The following FHIT variants were observed in gnomAD, a reference collection of about 807,000 sequenced individuals.
FHIT encodes the protein fragile histidine triad diadenosine triphosphatase.
A neutral mutation model predicts 17.9 loss-of-function variants in FHIT; 19 were observed. The ratio of observed to expected loss-of-function variants is 1.06; its 90% CI spans 0.74 to 1.56. The LOEUF (loss-of-function observed/expected upper bound fraction) is 1.56. Ranked by LOEUF, FHIT falls within the 40% of genes most tolerant of loss-of-function variation. The pLI is 0.00. For missense variants in FHIT, 248 were observed against 189.2 expected, an observed-to-expected ratio of 1.31 and a Z score of -1.82; for synonymous variants, 81 against 69.7, an observed-to-expected ratio of 1.16 and a Z score of -0.81.
At chr3:59,760,500 T>A (rs61281879) in intron 8 of FHIT, among the ~76,000 whole-genome samples, 13,407 of 151,366 alleles carry the variant, frequency 0.089, 718 homozygotes, top group East Asian at 0.23. Context: ...ATGTACCCTA[T>A]ATAAACCTCC....
chr3:59,887,274 A>G (rs1242740138), intron 8 of FHIT, among the ~76,000 whole-genome samples: 2 of 152,194 alleles, frequency 1.3e-5, no homozygotes, highest in African/African-American at 4.8e-5. Context: ...AATCTTTCCC[A>G]TGGCCCATCT....
intron 5 of FHIT, among the ~76,000 whole-genome samples, chr3:60,375,362 A>G (rs1050220758): frequency 1.3e-5 from 2 of 151,298 alleles, no homozygotes; most frequent in South Asian, 4.2e-4. Context: ...TGAGTTCAGG[A>G]GTTCGAGACT....
chr3:61,210,919 G>C (rs1247566678), intron 1 of FHIT, among the ~76,000 whole-genome samples: 1 of 151,904 alleles, frequency 6.6e-6, no homozygotes, highest in African/African-American at 2.4e-5. Context: ...CTGTAGACTG[G>C]AACTGTTCCT....
chr3:60,535,975 C>T (rs1489156355), intron 5 of FHIT: 1 of 152,036 alleles, frequency 6.6e-6, no homozygotes, highest in Non-Finnish European at 1.5e-5. Context: ...CATTTCAAAG[C>T]AAAATCATGT....
intron 3 of FHIT, among the ~76,000 whole-genome samples, chr3:60,968,002 A>G (rs1304445765): frequency 6.6e-6 from 1 of 151,798 alleles, no homozygotes; most frequent in African/African-American, 2.4e-5. Flanking sequence ...CTGATCAACT[A>G]AAAAAAAATT....
chr3:60,901,817 A>T (rs1553763239), intron 3 of FHIT, among the ~76,000 whole-genome samples: 1 of 152,146 alleles, frequency 6.6e-6, no homozygotes. Flanking sequence ...GCATCTCAAC[A>T]ATATGTGTGG....
intron 3 of FHIT, among the ~76,000 whole-genome samples, chr3:60,855,319 G>T (rs943025752): frequency 2.0e-5 from 3 of 152,078 alleles, no homozygotes; most frequent in Non-Finnish European, 4.4e-5. Context: ...ATACACTGGG[G>T]GGACTCATGA....
intron 4 of FHIT, among the ~76,000 whole-genome samples, chr3:60,701,771 T>A (rs2041253106): frequency 6.6e-6 from 1 of 152,188 alleles, no homozygotes; most frequent in African/African-American, 2.4e-5. Flanking sequence ...GTAGCTAGTG[T>A]GTTAGTCCTA....
intron 8 of FHIT, among the ~76,000 whole-genome samples, chr3:59,773,938 CATT>C (rs1186705975): frequency 6.6e-6 from 1 of 152,084 alleles, no homozygotes; most frequent in African/African-American, 2.4e-5. Context: ...TAAAATATCT[CATT>C]AATAATTATT....
chr3:60,725,619 C>G (rs1413837108), intron 4 of FHIT, among the ~76,000 whole-genome samples: 1 of 152,150 alleles, frequency 6.6e-6, no homozygotes, highest in African/African-American at 2.4e-5. Flanking sequence ...ATGTATGTGA[C>G]AAACTGCCTG....
chr3:60,123,997 TATATATATATATAGAGAGAG>T (rs1705395287), intron 5 of FHIT, among the ~76,000 whole-genome samples: 2 of 33,948 alleles, frequency 5.9e-5, no homozygotes, highest in South Asian at 2.6e-3. Flanking sequence ...TATATATATA[TATATATATATATAGAGAGAG>T]AGAGAGAGAG....
intron 3 of FHIT, among the ~76,000 whole-genome samples, chr3:60,928,144 T>C (rs2107350268): frequency 6.6e-6 from 1 of 151,948 alleles, no homozygotes. Context: ...CTCCCTAATC[T>C]CAAGTACCCA....
intron 8 of FHIT, among the ~76,000 whole-genome samples, chr3:59,864,041 A>G (rs1702523290): frequency 6.6e-6 from 1 of 152,150 alleles, no homozygotes; most frequent in African/African-American, 2.4e-5. Context: ...ACAATTTACC[A>G]TATTTGTTTC....
intron 4 of FHIT, among the ~76,000 whole-genome samples, chr3:60,745,137 A>G (rs183028756): frequency 6.6e-6 from 1 of 152,200 alleles, no homozygotes; most frequent in East Asian, 1.9e-4. Flanking sequence ...TAATCAAAAG[A>G]TCTCACAAAT....
chr3:59,884,840 A>G (rs1703550876), intron 8 of FHIT, among the ~76,000 whole-genome samples: 1 of 152,216 alleles, frequency 6.6e-6, no homozygotes, highest in Non-Finnish European at 1.5e-5. Flanking sequence ...CATTAATGTG[A>G]GATCCTTGGG....
intron 5 of FHIT, among the ~76,000 whole-genome samples, chr3:60,144,191 G>A (rs1700145626): frequency 6.6e-6 from 1 of 152,158 alleles, no homozygotes; most frequent in Non-Finnish European, 1.5e-5. Flanking sequence ...AAGTTGTTAT[G>A]GGGACTTATT....
At position 60,418,426 on chromosome 3, in the gene FHIT, A is replaced by ATATATATG. The variant is rs1559897379; in HGVS notation, c.103+118433_103+118434insCATATATA. Among the ~76,000 whole-genome samples, 5 of 15,178 alleles carry ATATATATG rather than the reference A, an allele frequency of 3.3e-4. 1 individual carries two copies. The highest frequency in any genetic ancestry group is 5.3e-4 in the Non-Finnish European group (3 of 5,704). 10.0% of individuals were successfully genotyped at this position (15,178 alleles called of 152,430 possible). A position where few individuals can be genotyped will look rare whatever the true frequency, so the allele number is the denominator to read the frequency against. Reference sequence around the variant, plus strand: ...TATATATATATATATATATATATATACGTGTATACACACACACCACAGACG... The same window carrying ATATATATG: ...TATATATATATATATATATATATATATATATATGCGTGTATACACACACACCACAGACG... On this transcript the variant is annotated intron_variant, in intron 5 of 9. Transcript: ENST00000492590.
chr3:59,937,078 T>C (rs1706277594), intron 7 of FHIT, among the ~76,000 whole-genome samples: 1 of 152,214 alleles, frequency 6.6e-6, no homozygotes, highest in African/African-American at 2.4e-5. Flanking sequence ...TGCTGAGCTT[T>C]ATGTCGATGG....
chr3:60,673,508 C>T (rs1376458112), intron 4 of FHIT, among the ~76,000 whole-genome samples: 4 of 151,788 alleles, frequency 2.6e-5, no homozygotes, highest in African/African-American at 7.3e-5. Flanking sequence ...CACACTGGGG[C>T]CTGTCTGGGG....
Sources: allele counts gnomAD v4.1 joint callset (sites outside exome capture counted in the v4.1 genomes callset), GRCh38; gene constraint gnomAD v4.1.1; transcripts MANE v1.5; gene names NCBI Gene and HGNC (gene_info 2026-07-23, HGNC 2026-07-21).